RPS6KC1: variants seen among roughly 807,000 people sequenced by gnomAD.
The protein encoded by RPS6KC1 is ribosomal protein S6 kinase C1, also known as inactive ribosomal protein S6 kinase delta-1.
RPS6KC1 carries 54 observed loss-of-function variants against 103.8 expected under a neutral mutation model. That is an observed-to-expected ratio of 0.52 (90% CI 0.42 to 0.65). RPS6KC1 has a LOEUF of 0.65. Ranked by LOEUF, RPS6KC1 falls within the 30% of genes least tolerant of loss-of-function variation. RPS6KC1 has a pLI of 0.00. For missense variants in RPS6KC1, 1,151 were observed against 1,253.8 expected, an observed-to-expected ratio of 0.92 and a Z score of 1.24; for synonymous variants, 439 against 438.7, an observed-to-expected ratio of 1.00 and a Z score of -0.01.
intron 8 of RPS6KC1, among the ~76,000 whole-genome samples, chr1:213,185,721 A>G (rs1000382440): frequency 6.6e-5 from 10 of 151,958 alleles, no homozygotes; most frequent in African/African-American, 2.4e-4. Flanking sequence ...CTTTATTTTA[A>G]CAATCTTTTT....
the RPS6KC1 span, among the ~76,000 whole-genome samples, chr1:213,602,056 CTCTTTCTT>C: frequency 5.3e-5 from 3 of 56,392 alleles, no homozygotes; most frequent in African/African-American, 8.7e-5. Context: ...TTCTTTCTTT[CTCTTTCTT>C]TCTTTCTTTC....
At chr1:213,819,589 C>T in the RPS6KC1 span, 7 of 152,230 alleles carry the variant, frequency 4.6e-5, no homozygotes, top group Admixed American at 4.6e-4. Context: ...TCCGAACATT[C>T]ATTTCCTTAT....
the RPS6KC1 span, among the ~76,000 whole-genome samples, chr1:213,400,691 C>G: frequency 6.6e-6 from 1 of 151,866 alleles, no homozygotes; most frequent in Non-Finnish European, 1.5e-5. Context: ...ATCTATCTTG[C>G]CTGCCTTTTT....
chr1:213,208,111 T>C (rs1171853816), intron 8 of RPS6KC1, among the ~76,000 whole-genome samples: 1 of 152,220 alleles, frequency 6.6e-6, no homozygotes, highest in African/African-American at 2.4e-5. Context: ...CGTATTCTTA[T>C]ATGTATCTAT....
the RPS6KC1 span, among the ~76,000 whole-genome samples, chr1:213,450,683 T>G: frequency 5.9e-5 from 9 of 152,194 alleles, no homozygotes; most frequent in Non-Finnish European, 1.3e-4. Context: ...GCTGAGCACA[T>G]AGCAAGTGCT....
At chr1:213,321,556 G>A in the RPS6KC1 span, among the ~76,000 whole-genome samples, 1 of 152,066 alleles carries the variant, frequency 6.6e-6, no homozygotes, top group South Asian at 2.1e-4. Context: ...CTGGCAGAGA[G>A]TGATCCTTTA....
At chr1:213,131,196 C>A (rs2085565820) in intron 6 of RPS6KC1, among the ~76,000 whole-genome samples, 1 of 151,934 alleles carries the variant, frequency 6.6e-6, no homozygotes, top group African/African-American at 2.4e-5. Context: ...GAGATGGAGT[C>A]TTGTTTCTTT....
chr1:213,466,791 CA>C, the RPS6KC1 span, among the ~76,000 whole-genome samples: 3 of 152,124 alleles, frequency 2.0e-5, no homozygotes, highest in Non-Finnish European at 2.9e-5. Context: ...AGAATATATG[CA>C]AGCCCATAAG....
the RPS6KC1 span, among the ~76,000 whole-genome samples, chr1:213,460,594 G>GTT: frequency 1.3e-5 from 2 of 152,048 alleles, no homozygotes; most frequent in Non-Finnish European, 2.9e-5. Context: ...TACATTTAAG[G>GTT]TTAATATTGT....
At chr1:213,339,253 C>T in the RPS6KC1 span, among the ~76,000 whole-genome samples, 51 of 151,590 alleles carry the variant, frequency 3.4e-4, no homozygotes, top group South Asian at 5.0e-3. Flanking sequence ...GCAACAAGAG[C>T]GAAACTCTGT....
At chr1:213,725,237 G>A in the RPS6KC1 span, among the ~76,000 whole-genome samples, 7 of 152,324 alleles carry the variant, frequency 4.6e-5, no homozygotes, top group African/African-American at 1.7e-4. Flanking sequence ...TCTGTCCACG[G>A]TGGTGAGGAA....
At chr1:213,250,161 A>G (rs2094521362) in intron 12 of RPS6KC1, among the ~76,000 whole-genome samples, 1 of 152,188 alleles carries the variant, frequency 6.6e-6, no homozygotes, top group Non-Finnish European at 1.5e-5. Context: ...GCGAGGCTAG[A>G]GACTGAGGTG....
chr1:213,087,956 C>T (rs540532597), intron 3 of RPS6KC1, among the ~76,000 whole-genome samples: 1 of 152,304 alleles, frequency 6.6e-6, no homozygotes, highest in African/African-American at 2.4e-5. Flanking sequence ...CCCTCTCCTT[C>T]TACAGGCCTG....
the RPS6KC1 span, among the ~76,000 whole-genome samples, chr1:213,635,442 T>C: frequency 6.6e-6 from 1 of 152,146 alleles, no homozygotes; most frequent in Non-Finnish European, 1.5e-5. Flanking sequence ...GTTGGCTTCC[T>C]GGGATGCAAG....
chr1:213,360,771 C>G, the RPS6KC1 span, among the ~76,000 whole-genome samples: 4 of 152,306 alleles, frequency 2.6e-5, no homozygotes, highest in Non-Finnish European at 5.9e-5. Context: ...AGTTTTCATT[C>G]TAACAGTCAG....
At chr1:213,244,110 T>C (rs2094412447) in intron 12 of RPS6KC1, among the ~76,000 whole-genome samples, 1 of 151,924 alleles carries the variant, frequency 6.6e-6, no homozygotes, top group African/African-American at 2.4e-5. Context: ...TTTTCTCAAA[T>C]AGATAATGTG....
chr1:213,388,057 C>T, the RPS6KC1 span, among the ~76,000 whole-genome samples: 5 of 152,384 alleles, frequency 3.3e-5, no homozygotes, highest in Admixed American at 6.5e-5. Context: ...GTCCCCCCAA[C>T]TGCTGGCCCT....
At chr1:213,570,647 A>C in the RPS6KC1 span, among the ~76,000 whole-genome samples, 1 of 152,184 alleles carries the variant, frequency 6.6e-6, no homozygotes, top group Non-Finnish European at 1.5e-5. Context: ...GGTGAGTCTC[A>C]TCTGGCTTGT....
intron 6 of RPS6KC1, among the ~76,000 whole-genome samples, chr1:213,144,683 C>G (rs2087510711): frequency 6.6e-6 from 1 of 152,000 alleles, no homozygotes; most frequent in African/African-American, 2.4e-5. Context: ...TAGGTGATTT[C>G]AGGATTACAT....
Sources: allele counts gnomAD v4.1 joint callset (sites outside exome capture counted in the v4.1 genomes callset), GRCh38; gene constraint gnomAD v4.1.1; transcripts MANE v1.5; gene names NCBI Gene and HGNC (gene_info 2026-07-23, HGNC 2026-07-21).